The following GCKR variants were observed in gnomAD, a reference collection of about 807,000 sequenced individuals.
The protein encoded by GCKR is glucokinase regulatory protein.
GCKR carries 73 observed loss-of-function variants against 82.9 expected under a neutral mutation model. That is an observed-to-expected ratio of 0.88 (90% CI 0.73 to 1.07). GCKR has a LOEUF of 1.07. GCKR is among the 50% of genes least tolerant of loss of function. The pLI, the probability that GCKR is intolerant of heterozygous loss-of-function variation, is 0.00. For missense variants in GCKR, 784 were observed against 782.1 expected (o/e 1.00, Z -0.03); for synonymous variants, 294 against 291.8 (o/e 1.01, Z -0.08).
intron 9 of GCKR, 147 bp from the exon 10 acceptor site, chr2:27,505,571 T>C (rs911790451): frequency 2.9e-6 from 2 of 688,674 alleles, no homozygotes; most frequent in East Asian, 5.5e-5. Context: ...CTAATCTTCC[T>C]CTCGGTCAAG....
At chr2:27,517,300 C>A (rs896705508) in intron 16 of GCKR, among the ~76,000 whole-genome samples, 1 of 152,090 alleles carries the variant, frequency 6.6e-6, no homozygotes, top group African/African-American at 2.4e-5. Flanking sequence ...AAGAACTGCC[C>A]GAGACTGGGT....
At chr2:27,519,360 G>A (rs917129997) in intron 17 of GCKR, among the ~76,000 whole-genome samples, 7 of 151,106 alleles carry the variant, frequency 4.6e-5, no homozygotes, top group Non-Finnish European at 7.4e-5. Context: ...GGAGTATAGC[G>A]GTGCTATTTC....
intron 8 of GCKR, 48 bp from the exon 9 acceptor site, chr2:27,503,466 G>T: frequency 9.8e-7 from 1 of 1,020,618 alleles, no homozygotes; most frequent in South Asian, 1.3e-5. Flanking sequence ...GCCCTTCTTT[G>T]AGATCCTCAT....
chr2:27,519,963 C>T (rs1272655502), intron 17 of GCKR, among the ~76,000 whole-genome samples: 3 of 151,664 alleles, frequency 2.0e-5, no homozygotes, highest in East Asian at 1.9e-4. Context: ...GTTGAGCAGA[C>T]GGCACAACAG....
In GCKR at chr2:27,522,581, A is replaced by G. The variant is rs547873593; in HGVS notation, c.1694A>G (p.His565Arg). The part of the protein sequence containing the change: ...APISCHVQVA[H>R]EKEQVIPIAL... Reference sequence around the variant, plus strand: ...ATCTCCTGCCATGTCCAGGTTGCACATGAGAAGGAACAGGTATCCTGCCCA... The same window carrying G: ...ATCTCCTGCCATGTCCAGGTTGCACGTGAGAAGGAACAGGTATCCTGCCCA... The change falls in exon 18 of 19, where the codon CAT (histidine) becomes CGT (arginine). Residue 565 changes from histidine (H) to arginine (R), a missense_variant. Physicochemically the swap from His to Arg is conservative, Grantham distance 29. Coordinates refer to ENST00000264717, the MANE Select transcript of GCKR (RefSeq NM_001486.4). 1.9e-6 allele frequency: 3 copies of G among 1,613,856 alleles called. No individual in the cohort carries two copies. Among genetic ancestry groups the G allele is most frequent in the Non-Finnish European group, 2.5e-6 (3 of 1,179,714 alleles).
chr2:27,501,657 T>G, intron 8 of GCKR: 1 of 462,268 alleles, frequency 2.2e-6, no homozygotes, highest in South Asian at 1.6e-5. Context: ...TCCAGTTCCC[T>G]TATTTAGTGC....
chr2:27,501,286 A>AAGTCTAC, intron 8 of GCKR, 57 bp downstream of exon 8: 1 of 1,064,132 alleles, frequency 9.4e-7, no homozygotes, highest in Non-Finnish European at 1.5e-6. Context: ...GAACATGTCA[A>AAGTCTAC]AGTCTACAGT....
At chr2:27,515,884 C>T (rs1669993348) in intron 16 of GCKR, among the ~76,000 whole-genome samples, 1 of 150,978 alleles carries the variant, frequency 6.6e-6, no homozygotes, top group Admixed American at 6.6e-5. Context: ...CCACCTCAGC[C>T]TCCCAAGTAG....
chr2:27,504,315 T>C (rs981036240), intron 9 of GCKR, among the ~76,000 whole-genome samples: 1 of 152,128 alleles, frequency 6.6e-6, no homozygotes, highest in African/African-American at 2.4e-5. Flanking sequence ...TCCCTGCAAA[T>C]GTTGACTTTC....
chr2:27,521,247 A>G (rs1670144271), intron 17 of GCKR, among the ~76,000 whole-genome samples: 1 of 151,960 alleles, frequency 6.6e-6, no homozygotes, highest in Non-Finnish European at 1.5e-5. Context: ...ATTTCAGGCC[A>G]GGTGTGGTGG....
intron 3 of GCKR, 107 bp from the exon 4 acceptor site, chr2:27,498,148 G>A (rs747524133): frequency 9.7e-5 from 82 of 849,176 alleles, no homozygotes; most frequent in Non-Finnish European, 1.6e-4. Flanking sequence ...GATGAGAGGA[G>A]GGATAAGGAG....
intron 16 of GCKR, among the ~76,000 whole-genome samples, chr2:27,513,255 G>A (rs1423470190): frequency 6.6e-6 from 1 of 152,010 alleles, no homozygotes. Flanking sequence ...TCTCATCCAG[G>A]TGCGGTGGCT....
intron 2 of GCKR, 63 bp from the exon 3 acceptor site, chr2:27,497,499 G>A (rs763645537): frequency 1.8e-4 from 289 of 1,565,432 alleles, no homozygotes; most frequent in Non-Finnish European, 2.4e-4. Context: ...GAAACCCTGA[G>A]ACCCCCTCCC....
intron 8 of GCKR, chr2:27,501,954 T>C (rs1448636908): frequency 1.4e-5 from 4 of 294,798 alleles, no homozygotes; most frequent in East Asian, 2.3e-4. Flanking sequence ...CCCTGAAATA[T>C]CTATTTTTTG....
chr2:27,499,392 C>G lies in GCKR; in HGVS notation c.496-5C>G, dbSNP rs1308828154. The stretch of plus-strand genomic sequence containing the variant: ...TACACTACCTTGTCCATCCTCCTCT[C>G]CTAGGTGGCTGCCGGGAAGAAGAGA... On this transcript the variant is annotated splice_region_variant and splice_polypyrimidine_tract_variant and intron_variant, in intron 6 of 18. Coordinates refer to ENST00000264717, the MANE Select transcript of GCKR (RefSeq NM_001486.4). The G allele has an allele frequency of 1.2e-6, 2 of 1,609,294 alleles. No individual in the cohort carries two copies. The highest frequency in any genetic ancestry group is 3.3e-5 in the Admixed American group (2 of 60,010).
chr2:27,519,303 ATTCT>A (rs1327511090), intron 17 of GCKR, among the ~76,000 whole-genome samples: 1 of 150,232 alleles, frequency 6.7e-6, no homozygotes, highest in Non-Finnish European at 1.5e-5. Context: ...TGTTGCTCTC[ATTCT>A]TTTTTTTTTT....
At chr2:27,511,659 G>A (rs531193526) in intron 16 of GCKR, among the ~76,000 whole-genome samples, 16 of 151,568 alleles carry the variant, frequency 1.1e-4, no homozygotes, top group Non-Finnish European at 2.2e-4. Context: ...TCCAGCCAGG[G>A]CAACAAGAGT....
intron 9 of GCKR, among the ~76,000 whole-genome samples, chr2:27,504,102 C>T (rs1363855594): frequency 2.6e-5 from 4 of 152,182 alleles, no homozygotes; most frequent in Non-Finnish European, 5.9e-5. Context: ...ATTGCAGATA[C>T]ATTTCACTAG....
chr2:27,521,861 G>C (rs980556438), intron 17 of GCKR, among the ~76,000 whole-genome samples: 2 of 151,900 alleles, frequency 1.3e-5, no homozygotes, highest in African/African-American at 2.4e-5. Context: ...TAGCTGGGAC[G>C]ATAGGCAGGT....
Sources: gnomAD v4.1 joint callset for allele counts (sites outside exome capture counted in the v4.1 genomes callset) on GRCh38, gnomAD v4.1.1 for gene constraint, MANE v1.5 for transcripts, NCBI Gene and HGNC (gene_info 2026-07-23, HGNC 2026-07-21) for gene names.